SLC16A1: variants seen among roughly 807,000 people sequenced by gnomAD.
SLC16A1 encodes monocarboxylate transporter 1.
SLC16A1 carries 11 observed loss-of-function variants against 32.2 expected under a neutral mutation model. That is an observed-to-expected ratio of 0.34 (90% CI 0.21 to 0.56). SLC16A1 has a LOEUF of 0.56. Among genes scored for constraint, SLC16A1 ranks in the 20% least tolerant of loss-of-function variants. The probability of loss-of-function intolerance (pLI) is 0.87; values close to 1 mark genes in which losing one functional copy is unlikely to be tolerated. For synonymous variants in SLC16A1, 231 were observed against 226.8 expected, an observed-to-expected ratio of 1.02 and a Z score of -0.17; for missense variants, 435 against 615.0, an observed-to-expected ratio of 0.71 and a Z score of 3.10.
chr1:112,944,203 C>T (rs773337393), intron 1 of SLC16A1, among the ~76,000 whole-genome samples: 1 of 152,154 alleles, frequency 6.6e-6, no homozygotes, highest in South Asian at 2.1e-4. Flanking sequence ...GTAATCCCAG[C>T]ACTTTGGGAG....
intron 1 of SLC16A1, among the ~76,000 whole-genome samples, chr1:112,937,913 G>A (rs924836760): frequency 1.3e-5 from 2 of 152,066 alleles, no homozygotes; most frequent in African/African-American, 4.8e-5. Flanking sequence ...TGGCAATGAC[G>A]GTGATAAGAA....
chr1:112,934,758 AG>A (rs1649242885), intron 1 of SLC16A1, among the ~76,000 whole-genome samples: 1 of 152,224 alleles, frequency 6.6e-6, no homozygotes, highest in African/African-American at 2.4e-5. Flanking sequence ...TTCACAACTC[AG>A]GCCAGTGTGA....
At chr1:112,945,793 G>A (rs887996628) in intron 1 of SLC16A1, among the ~76,000 whole-genome samples, 1 of 151,444 alleles carries the variant, frequency 6.6e-6, no homozygotes, top group African/African-American at 2.4e-5. Context: ...GGGAGTTCAG[G>A]ACCAGCCTGA....
intron 1 of SLC16A1, among the ~76,000 whole-genome samples, chr1:112,930,086 C>G (rs992988455): frequency 6.6e-6 from 1 of 152,140 alleles, no homozygotes; most frequent in Non-Finnish European, 1.5e-5. Context: ...GTTCTGTGAG[C>G]CTTCCTAGCA....
chr1:112,923,727 G>A, intron 2 of SLC16A1: 1 of 1,535,808 alleles, frequency 6.5e-7, no homozygotes. Flanking sequence ...GACACTGAGT[G>A]CCTGCCACCA....
intron 2 of SLC16A1, chr1:112,924,416 A>C (rs1430238710): frequency 1.6e-5 from 16 of 1,012,716 alleles, no homozygotes; most frequent in Non-Finnish European, 1.6e-6. Flanking sequence ...TTTAATTTAG[A>C]AGTGCCTCAG....
chr1:112,932,811 A>ATAG (rs1649182587), intron 1 of SLC16A1, among the ~76,000 whole-genome samples: 1 of 151,114 alleles, frequency 6.6e-6, no homozygotes, highest in Non-Finnish European at 1.5e-5. Context: ...AAAAAAAAAA[A>ATAG]AGGCCTGTCT....
At chr1:112,930,913 T>G (rs1649106927) in intron 1 of SLC16A1, among the ~76,000 whole-genome samples, 1 of 152,140 alleles carries the variant, frequency 6.6e-6, no homozygotes, top group Non-Finnish European at 1.5e-5. Context: ...GAGACGGGGT[T>G]TGGCCATGTT....
intron 1 of SLC16A1, among the ~76,000 whole-genome samples, chr1:112,940,037 T>C (rs1249184593): frequency 1.4e-5 from 2 of 140,106 alleles, no homozygotes; most frequent in Non-Finnish European, 3.0e-5. Context: ...ACCTGATGGG[T>C]GATTTTTTTT....
At chr1:112,918,109 G>T in intron 3 of SLC16A1, 65 bp from the exon 4 acceptor site, 1 of 1,083,012 alleles carries the variant, frequency 9.2e-7, no homozygotes, top group Non-Finnish European at 1.2e-6. Flanking sequence ...AATAATAAGA[G>T]GTATAAATAA....
At position 112,922,147 on chromosome 1, in the gene SLC16A1, A is replaced by C. The variant is rs369273462; in HGVS notation, c.218-14T>G. 5 of 1,613,488 alleles carry C rather than the reference A, an allele frequency of 3.1e-6. No homozygotes were observed. The African/African-American group carries it at 6.7e-5, about 22-fold the overall frequency. ...TGCTGATAGGACCTAAAAGACAACC[A>C]AAAATGTAGTAATATAAAGGAAACT... On this transcript the variant is annotated splice_polypyrimidine_tract_variant and intron_variant, in intron 2 of 4. Transcript: ENST00000369626.
At chr1:112,955,282 C>CA (rs936863559) in intron 1 of SLC16A1, 1 of 151,874 alleles carries the variant, frequency 6.6e-6, no homozygotes, top group Admixed American at 6.6e-5. Context: ...GTACTTGGAA[C>CA]AAAAAACTTG....
intron 1 of SLC16A1, among the ~76,000 whole-genome samples, chr1:112,944,054 C>T (rs1007818742): frequency 1.3e-5 from 2 of 152,168 alleles, no homozygotes; most frequent in Non-Finnish European, 2.9e-5. Context: ...AATAGGCATA[C>T]TTAAAATGCC....
chr1:112,913,213 T>TA lies in SLC16A1; in HGVS notation c.*677dup, dbSNP rs1302288595. The TA allele has an allele frequency of 6.6e-6, 1 of 152,508 alleles. No homozygotes were observed. The highest frequency in any genetic ancestry group is 1.5e-5 in the Non-Finnish European group (1 of 68,262). The allele number at this position is 152,508 out of a possible 1,614,324, so 9.4% of individuals were successfully genotyped here. A position where few individuals can be genotyped will look rare whatever the true frequency, so the allele number is the denominator to read the frequency against. ...AACCTTAAGCACTTTACTTGGCTTC[T>TA]AATAAGCATCCCAAGAAAAGGTACC... On this transcript the variant is annotated 3_prime_UTR_variant, in exon 5 of 5. Coordinates refer to ENST00000369626, the MANE Select transcript of SLC16A1 (RefSeq NM_003051.4).
rs1420628909 is a variant in SLC16A1, at chr1:112,912,724, C to T, written c.*1167G>A. The T allele has an allele frequency of 6.6e-6, 1 of 151,964 alleles. No individual in the cohort carries two copies. The highest frequency in any genetic ancestry group is 1.5e-5 in the Non-Finnish European group (1 of 67,980). The allele number at this position is 151,964 out of a possible 1,614,324, so 9.4% of individuals were successfully genotyped here. A position where few individuals can be genotyped will look rare whatever the true frequency, so the allele number is the denominator to read the frequency against. On this transcript the variant is annotated 3_prime_UTR_variant, in exon 5 of 5. Coordinates refer to ENST00000369626, the MANE Select transcript of SLC16A1 (RefSeq NM_003051.4). The stretch of plus-strand genomic sequence containing the variant: ...GAATTACTTATTAAAACTAAGCACA[C>T]TTAGCAACTTCTTTCCCAATCCTAT...
chr1:112,940,913 T>G (rs903543238), intron 1 of SLC16A1, among the ~76,000 whole-genome samples: 2 of 152,070 alleles, frequency 1.3e-5, no homozygotes, highest in African/African-American at 4.8e-5. Context: ...ATGAAGATGG[T>G]GGCCATTATC....
intron 1 of SLC16A1, among the ~76,000 whole-genome samples, chr1:112,945,435 G>A (rs946848760): frequency 3.3e-5 from 5 of 151,974 alleles, no homozygotes; most frequent in African/African-American, 1.2e-4. Context: ...AGCACTTTGT[G>A]AGGCCGAGGC....
intron 1 of SLC16A1, 73 bp from the exon 2 acceptor site, chr1:112,929,425 T>C (rs955991330): frequency 3.3e-5 from 28 of 859,794 alleles, no homozygotes; most frequent in Non-Finnish European, 4.9e-5. Flanking sequence ...AAATAAGAAA[T>C]ATAGCCAATC....
intron 3 of SLC16A1, among the ~76,000 whole-genome samples, chr1:112,919,407 A>G (rs555860220): frequency 3.3e-5 from 5 of 151,874 alleles, no homozygotes; most frequent in Admixed American, 3.3e-4. Flanking sequence ...AAATGATTCT[A>G]AAGGATACTT....
Sources: gnomAD v4.1 joint callset for allele counts (sites outside exome capture counted in the v4.1 genomes callset) on GRCh38, gnomAD v4.1.1 for gene constraint, MANE v1.5 for transcripts, NCBI Gene and HGNC (gene_info 2026-07-23, HGNC 2026-07-21) for gene names.